Variants in KAZN observed in about 807,000 individuals in gnomAD.
KAZN encodes the protein kazrin, periplakin interacting protein, also known as kazrin.
A neutral mutation model predicts 87.4 loss-of-function variants in KAZN; 40 were observed. That is an observed-to-expected ratio of 0.46 (90% CI 0.36 to 0.60). The LOEUF is 0.60. KAZN is among the 20% of genes least tolerant of loss of function. The pLI is 0.00. For synonymous variants in KAZN, 466 were observed against 458.3 expected (o/e 1.02, Z -0.22); for missense variants, 898 against 1,073.9 (o/e 0.84, Z 2.29).
chr1:14,502,617 T>C (rs1670321106), intron 2 of KAZN, among the ~76,000 whole-genome samples: 1 of 152,114 alleles, frequency 6.6e-6, no homozygotes, highest in Non-Finnish European at 1.5e-5. Context: ...TTTAAAAGGT[T>C]TACTTTTTAT....
chr1:14,572,735 C>T (rs1405435586), intron 2 of KAZN, among the ~76,000 whole-genome samples: 2 of 152,186 alleles, frequency 1.3e-5, no homozygotes, highest in East Asian at 1.9e-4. Flanking sequence ...CTTGGCCCCG[C>T]GGAGCGGCCC....
At chr1:14,335,083 G>A (rs564893925) in intron 2 of KAZN, among the ~76,000 whole-genome samples, 4 of 149,568 alleles carry the variant, frequency 2.7e-5, no homozygotes, top group Admixed American at 6.8e-5. Context: ...CCATGGGGGC[G>A]GATCCCTCAT....
At chr1:14,997,246 T>TTAG (rs1667988202) in intron 2 of KAZN, among the ~76,000 whole-genome samples, 2 of 136,988 alleles carry the variant, frequency 1.5e-5, no homozygotes, top group South Asian at 2.3e-4. Flanking sequence ...TATTTATTTA[T>TTAG]TTATTTATTT....
intron 1 of KAZN, among the ~76,000 whole-genome samples, chr1:14,781,006 A>C (rs960958973): frequency 4.6e-5 from 7 of 152,196 alleles, no homozygotes; most frequent in Non-Finnish European, 8.8e-5. Context: ...CACTGAAGGC[A>C]CCGAGAGTAA....
intron 1 of KAZN, among the ~76,000 whole-genome samples, chr1:14,899,463 T>C (rs116835297): frequency 0.015 from 2,348 of 152,284 alleles, 54 homozygotes; most frequent in African/African-American, 0.053. Flanking sequence ...AAACTCCTTT[T>C]TCCAGATGCG....
chr1:15,034,565 G>A (rs1044907411), intron 2 of KAZN, among the ~76,000 whole-genome samples, 184 bp from the exon 3 acceptor site: 10 of 152,350 alleles, frequency 6.6e-5, no homozygotes, highest in South Asian at 2.1e-4. Flanking sequence ...ACATAGGTGA[G>A]CCTGGCTTGG....
chr1:13,960,512 A>G (rs1641709831), intron 1 of KAZN, among the ~76,000 whole-genome samples: 1 of 152,206 alleles, frequency 6.6e-6, no homozygotes, highest in Non-Finnish European at 1.5e-5. Flanking sequence ...AGGTGAAATC[A>G]GAACCACAAA....
intron 1 of KAZN, among the ~76,000 whole-genome samples, chr1:14,688,075 C>T (rs974084186): frequency 6.6e-6 from 1 of 152,160 alleles, no homozygotes; most frequent in Non-Finnish European, 1.5e-5. Flanking sequence ...TACCCCCACC[C>T]GTGCCCTAGA....
At chr1:14,236,113 T>C (rs570735215) in intron 2 of KAZN, among the ~76,000 whole-genome samples, 1 of 114,774 alleles carries the variant, frequency 8.7e-6, no homozygotes, top group African/African-American at 2.7e-5. Context: ...CTTTTAATGA[T>C]ATTTTCTTCA....
At position 14,773,454 on chromosome 1, in the gene KAZN, A is replaced by G. The variant is rs948427544; in HGVS notation, c.226+174231A>G. 1.3e-5 allele frequency among the ~76,000 whole-genome samples: 2 copies of G among 152,032 alleles called. No homozygotes were observed. Among genetic ancestry groups the G allele is most frequent in the Non-Finnish European group, 2.9e-5 (2 of 68,000 alleles). On this transcript the variant is annotated intron_variant, in intron 1 of 14. Coordinates refer to ENST00000376030, the MANE Select transcript of KAZN (RefSeq NM_201628.3). The surrounding 1 kb of genome is among the most constrained non-coding windows in gnomAD (Gnocchi z 5.9). Reference sequence around the variant, plus strand: ...CTCTGCCTCAAATCAACTCTGCACTAAGGTGTGAAACGTAAACACCCCCGA... The same window carrying G: ...CTCTGCCTCAAATCAACTCTGCACTGAGGTGTGAAACGTAAACACCCCCGA...
At chr1:14,353,872 C>T (rs1294668928) in intron 2 of KAZN, among the ~76,000 whole-genome samples, 2 of 152,062 alleles carry the variant, frequency 1.3e-5, no homozygotes, top group African/African-American at 4.8e-5. Context: ...CTGTAAATTC[C>T]ACCTATCCTA....
intron 1 of KAZN, among the ~76,000 whole-genome samples, chr1:14,714,797 GTTT>G (rs537512664): frequency 2.5e-5 from 3 of 120,564 alleles, no homozygotes; most frequent in African/African-American, 9.6e-5. Context: ...TTTTTTTTTT[GTTT>G]TTTTTTTTTT....
rs1056805560 is a variant in KAZN at position 14,735,962 on chromosome 1, T to C, written c.226+136739T>C. Among the ~76,000 whole-genome samples the C allele has an allele frequency of 9.2e-5, 14 of 152,148 alleles. No homozygotes were observed. Among genetic ancestry groups the C allele is most frequent in the Non-Finnish European group, 2.1e-4 (14 of 68,018 alleles). Reference sequence around the variant, plus strand: ...GGAATGTGGAGCCCCCGCAGGAAGATGAGTTACCTCCAACAAATAAGTGTT... The same window carrying C: ...GGAATGTGGAGCCCCCGCAGGAAGACGAGTTACCTCCAACAAATAAGTGTT... On this transcript the variant is annotated intron_variant, in intron 1 of 14. Coordinates refer to ENST00000376030, the MANE Select transcript of KAZN (RefSeq NM_201628.3). This position sits in a 1 kb window ranked among gnomAD's most constrained non-coding sequence, Gnocchi z 4.3.
chr1:14,591,172 C>G (rs755851535), intron 2 of KAZN, among the ~76,000 whole-genome samples: 2 of 95,592 alleles, frequency 2.1e-5, no homozygotes, highest in African/African-American at 3.3e-5. Context: ...TCAAATAGTG[C>G]CCCCCCCCCA....
intron 2 of KAZN, among the ~76,000 whole-genome samples, chr1:14,276,402 C>T (rs1652360032): frequency 6.6e-6 from 1 of 151,960 alleles, no homozygotes; most frequent in Non-Finnish European, 1.5e-5. Flanking sequence ...TCTGGGACTG[C>T]CTTAACAAAG....
chr1:14,775,695 C>T (rs1183985203), intron 1 of KAZN, among the ~76,000 whole-genome samples: 5 of 152,246 alleles, frequency 3.3e-5, no homozygotes, highest in East Asian at 1.9e-4. Context: ...TCTTGAGAAG[C>T]TACCGATTTA....
intron 1 of KAZN, among the ~76,000 whole-genome samples, chr1:14,022,978 C>T (rs1470319266): frequency 6.6e-6 from 1 of 152,072 alleles, no homozygotes; most frequent in East Asian, 1.9e-4. Flanking sequence ...CTATTTCCCA[C>T]CTGGTATGAT....
At chr1:14,427,489 T>TA (rs1419714011) in intron 2 of KAZN, among the ~76,000 whole-genome samples, 2 of 151,326 alleles carry the variant, frequency 1.3e-5, no homozygotes, top group Non-Finnish European at 1.5e-5. Flanking sequence ...TAAAGGAAAG[T>TA]AAAAAACAAA....
At chr1:14,545,149 A>T (rs897237917) in intron 2 of KAZN, among the ~76,000 whole-genome samples, 3 of 152,208 alleles carry the variant, frequency 2.0e-5, no homozygotes, top group African/African-American at 7.2e-5. Context: ...GCTGCTCCCT[A>T]GAAAGAAGCT....
Sources: gnomAD v4.1 joint callset for allele counts (sites outside exome capture counted in the v4.1 genomes callset) on GRCh38, gnomAD v4.1.1 for gene constraint, Gnocchi (gnomAD v3.1) non-coding constraint, MANE v1.5 for transcripts, NCBI Gene and HGNC (gene_info 2026-07-23, HGNC 2026-07-21) for gene names.